PCNX4: variants seen among roughly 807,000 people sequenced by gnomAD.
PCNX4 encodes pecanex 4, also known as pecanex-like protein 4.
A neutral mutation model predicts 107.2 loss-of-function variants in PCNX4; 103 were observed. The observed-to-expected ratio is 0.96, with a 90% CI of 0.82 to 1.13. The LOEUF (loss-of-function observed/expected upper bound fraction) is 1.13, where lower values mean the gene tolerates loss of function less well. Ranked by LOEUF, PCNX4 falls within the 50% of genes most tolerant of loss-of-function variation. The pLI is 0.00. For missense variants in PCNX4, 1,528 were observed against 1,379.4 expected (o/e 1.11, Z -1.71); for synonymous variants, 541 against 481.7 (o/e 1.12, Z -1.61).
intron 2 of PCNX4, among the ~76,000 whole-genome samples, chr14:60,111,354 C>T (rs1195122826): frequency 1.3e-5 from 2 of 152,034 alleles, no homozygotes; most frequent in African/African-American, 4.8e-5. Flanking sequence ...TTCACCTAAT[C>T]GAAAACGTAA....
intron 1 of PCNX4, among the ~76,000 whole-genome samples, chr14:60,096,920 G>A (rs190690462): frequency 1.3e-5 from 2 of 152,306 alleles, no homozygotes; most frequent in African/African-American, 4.8e-5. Context: ...AAGCAAACCA[G>A]TCCTACCATG....
chr14:60,133,528 T>C (rs544276180), intron 10 of PCNX4: 95 of 385,934 alleles, frequency 2.5e-4, no homozygotes, highest in African/African-American at 1.9e-3. Context: ...GTTGCACGTA[T>C]CTGTGACTAT....
Position 60,134,057 on chromosome 14 carries a change from G to T in PCNX4, c.3355G>T (p.Ala1119Ser). The change falls in exon 11 of 11, where the codon GCC becomes TCC. Residue 1119 changes from alanine to serine, a missense_variant. By Grantham distance (99) the Ala-to-Ser change is moderately conservative (BLOSUM62 1). Transcript: ENST00000406854. Reference protein sequence around the residue: ...LNPEAVRGQWANLSWELLYAT... With the variant: ...LNPEAVRGQWSNLSWELLYAT... ...TCCTGAAGCTGTTAGAGGTCAGTGG[G>T]CCAATCTTTCATGGGAATTACTTTA... 1 of 1,613,760 alleles carries T rather than the reference G, an allele frequency of 6.2e-7. No homozygotes were observed. Among genetic ancestry groups the T allele is most frequent in the Non-Finnish European group, 8.5e-7 (1 of 1,179,782 alleles).
In PCNX4 at chr14:60,135,105, G is replaced by C. The variant is rs1214866275; in HGVS notation, c.*884G>C. 6.6e-6 allele frequency: 1 copy of C among 152,180 alleles called. No homozygotes were observed. The highest frequency in any genetic ancestry group is 2.4e-5 in the African/African-American group (1 of 41,454). The allele number at this position is 152,180 out of a possible 1,614,324, so 9.4% of individuals were successfully genotyped here. The stretch of plus-strand genomic sequence containing the variant: ...TCTTCTTGCTTAGGAACGTTTTACA[G>C]ATACATGTAAGGGGGATTAATAATG... On this transcript the variant is annotated 3_prime_UTR_variant, in exon 11 of 11. Transcript: ENST00000406854.
chr14:60,104,446 T>TA (rs1191912431), intron 1 of PCNX4, among the ~76,000 whole-genome samples: 1 of 152,202 alleles, frequency 6.6e-6, no homozygotes, highest in Non-Finnish European at 1.5e-5. Flanking sequence ...TTTAAAGTAT[T>TA]ACATGCTTCT....
In PCNX4 at chr14:60,115,229, C is replaced by T. The variant is rs763538408; in HGVS notation, c.1125C>T (p.His375=). 7 of 1,613,218 alleles carry T rather than the reference C, an allele frequency of 4.3e-6. No homozygotes were observed. In the South Asian group the frequency reaches 7.7e-5, roughly 18 times the overall value. Residue 375 remains histidine, a synonymous_variant, in exon 4 of 11, where the codon CAC becomes CAT. Transcript: ENST00000406854. ...TTTTAGAAACTAGCTTGCTTCATCA[C>T]TTTGCTGGCTTCTCACAGATTTCTA... ...LALLETSLLH[H]FAGFSQISKS...
In PCNX4 at chr14:60,107,763, T is replaced by G; in HGVS notation, c.125T>G (p.Val42Gly). The change falls in exon 2 of 11, where the codon GTT becomes GGT. Residue 42 changes from valine to glycine, a missense_variant. Coordinates refer to ENST00000406854, the MANE Select transcript of PCNX4 (RefSeq NM_001330177.2). ...TATTGTGCCCCTCCTTACATATATG[T>G]TAATCAAATTATTCTTTTTCTAATG... ...LGYCAPPYIY[V>G]NQIILFLMPW... The G allele has an allele frequency of 6.2e-7, 1 of 1,612,712 alleles. No individual in the cohort carries two copies. The highest frequency in any genetic ancestry group is 1.1e-5 in the South Asian group (1 of 91,070).
intron 1 of PCNX4, among the ~76,000 whole-genome samples, chr14:60,102,011 T>A (rs1476395300): frequency 6.6e-6 from 1 of 152,206 alleles, no homozygotes; most frequent in Non-Finnish European, 1.5e-5. Context: ...TTATGTGAGG[T>A]ATCTAAAATA....
chr14:60,112,451 A>T lies in PCNX4; in HGVS notation c.690-2249A>T, dbSNP rs143476359. 3.9e-3 allele frequency among the ~76,000 whole-genome samples: 588 copies of T among 152,310 alleles called. 3 individuals carry two copies. Among genetic ancestry groups the T allele is most frequent in the African/African-American group, 0.013 (557 of 41,564 alleles). On this transcript the variant is annotated intron_variant, in intron 2 of 10. Coordinates refer to ENST00000406854, the MANE Select transcript of PCNX4 (RefSeq NM_001330177.2). Reference sequence around the variant, plus strand: ...AGTATTATAATTTAAGTGTTTTTCCATATTAAAGAATTAACCACAATAATG... The same window carrying T: ...AGTATTATAATTTAAGTGTTTTTCCTTATTAAAGAATTAACCACAATAATG...
At chr14:60,127,738 GTC>G (rs1896081728) in intron 10 of PCNX4, among the ~76,000 whole-genome samples, 1 of 152,192 alleles carries the variant, frequency 6.6e-6, no homozygotes, top group African/African-American at 2.4e-5. Flanking sequence ...AAATGGGAAA[GTC>G]TAACCCATAT....
intron 10 of PCNX4, 83 bp from the exon 11 acceptor site, chr14:60,133,887 T>C (rs1896199161): frequency 7.3e-7 from 1 of 1,367,390 alleles, no homozygotes; most frequent in Non-Finnish European, 9.8e-7. Flanking sequence ...ATGCAATTTT[T>C]CTCTAAGTTT....
chr14:60,111,735 A>G (rs774566957), intron 2 of PCNX4, among the ~76,000 whole-genome samples: 1 of 152,196 alleles, frequency 6.6e-6, no homozygotes, highest in Non-Finnish European at 1.5e-5. Context: ...GTTTTTTACT[A>G]AAATCTTGTT....
chr14:60,128,073 A>G (rs188040863), intron 10 of PCNX4, among the ~76,000 whole-genome samples: 7 of 152,218 alleles, frequency 4.6e-5, no homozygotes, highest in Admixed American at 3.9e-4. Flanking sequence ...AGAATGAATA[A>G]AAAGGAAGAG....
chr14:60,129,750 C>A (rs1896121097), intron 10 of PCNX4, among the ~76,000 whole-genome samples: 2 of 152,154 alleles, frequency 1.3e-5, no homozygotes, highest in Non-Finnish European at 2.9e-5. Flanking sequence ...AGTAATATTT[C>A]TGCTTCACCA....
At position 60,124,633 on chromosome 14, in the gene PCNX4, G is replaced by C. The variant is rs759005985; in HGVS notation, c.2462G>C (p.Trp821Ser). 2.5e-6 allele frequency: 4 copies of C among 1,613,592 alleles called. No homozygotes were observed. The highest frequency in any genetic ancestry group is 3.4e-6 in the Non-Finnish European group (4 of 1,179,722). ...TTAAATTCAGAAACTTTTAATGACT[G>C]GTCTGATGATAATATTTTTGATGAT... ...DSLNSETFND[W>S]SDDNIFDDEP... Residue 821 changes from tryptophan (W) to serine (S), a missense_variant, in exon 9 of 11, where the codon TGG (tryptophan) becomes TCG (serine). Coordinates refer to ENST00000406854, the MANE Select transcript of PCNX4 (RefSeq NM_001330177.2).
At chr14:60,115,869 G>A (rs1595170300) in intron 5 of PCNX4, 50 bp downstream of exon 5, 1 of 1,589,422 alleles carries the variant, frequency 6.3e-7, no homozygotes, top group Middle Eastern at 1.7e-4. Context: ...AAGTTTTATT[G>A]TAATTTTGTT....
At position 60,135,193 on chromosome 14, in the gene PCNX4, A is replaced by G. The variant is rs1896222906; in HGVS notation, c.*972A>G. 1 of 152,228 alleles carries G rather than the reference A, an allele frequency of 6.6e-6. No individual in the cohort carries two copies. The highest frequency in any genetic ancestry group is 1.5e-5 in the Non-Finnish European group (1 of 68,026). The allele number at this position is 152,228 out of a possible 1,614,324, so 9.4% of individuals were successfully genotyped here. On this transcript the variant is annotated 3_prime_UTR_variant, in exon 11 of 11. Transcript: ENST00000406854. ...TTACTTAATTTCCAATGAAATCAGT[A>G]GGAGCCCCCTAGATTTATAATAATG...
rs1316858876 is a variant in PCNX4, at chr14:60,124,778, T to C, written c.2607T>C (p.Thr869=). 3 of 1,613,278 alleles carry C rather than the reference T, an allele frequency of 1.9e-6. No homozygotes were observed. Among genetic ancestry groups the C allele is most frequent in the South Asian group, 2.2e-5 (2 of 91,086 alleles). ...GGGTTGGTGATCATTCTACAGGCAC[T>C]GTTCCTGAAAACGATCTTTACAAAG... ...SQRVGDHSTG[T]VPENDLYKAV... Residue 869 remains threonine (T), a synonymous_variant, in exon 9 of 11, where the codon ACT becomes ACC. Coordinates refer to ENST00000406854, the MANE Select transcript of PCNX4 (RefSeq NM_001330177.2).
chr14:60,099,867 C>T (rs138653239), intron 1 of PCNX4, among the ~76,000 whole-genome samples: 1 of 151,916 alleles, frequency 6.6e-6, no homozygotes, highest in African/African-American at 2.4e-5. Flanking sequence ...AGTTCGAGAC[C>T]AGCCTGGCCA....
Sources: allele counts gnomAD v4.1 joint callset (sites outside exome capture counted in the v4.1 genomes callset), GRCh38; gene constraint gnomAD v4.1.1; transcripts MANE v1.5; gene names NCBI Gene and HGNC (gene_info 2026-07-23, HGNC 2026-07-21).